SDK1: variants seen among roughly 807,000 people sequenced by gnomAD.
SDK1 encodes the protein protein sidekick-1.
SDK1 carries 157 observed loss-of-function variants against 245.5 expected under a neutral mutation model. The observed-to-expected ratio is 0.64, with a 90% CI of 0.56 to 0.73. The LOEUF (loss-of-function observed/expected upper bound fraction) is 0.73. SDK1 is among the 30% of genes least tolerant of loss of function. The pLI, the probability that SDK1 is intolerant of heterozygous loss-of-function variation, is 0.00. For missense variants in SDK1, 3,583 were observed against 3,002.3 expected (o/e 1.19, Z -4.52); for synonymous variants, 1,647 against 1,278.5 (o/e 1.29, Z -6.15).
Position 3,950,976 on chromosome 7 carries a change from A to G in SDK1, c.901A>G (p.Asn301Asp), listed in dbSNP as rs771758488. 105 of 1,614,002 alleles carry G rather than the reference A, an allele frequency of 6.5e-5. No homozygotes were observed. The highest frequency in any genetic ancestry group is 7.9e-5 in the Non-Finnish European group (93 of 1,180,016). The part of the protein sequence containing the change: ...MAPTIVVPPG[N>D]RSVVAGSSET... ...CCCAACCATTGTGGTTCCCCCGGGC[A>G]ACAGAAGTGTGGTGGCTGGATCCAG... Residue 301 changes from asparagine to aspartate, a missense_variant, in exon 6 of 45, where the codon AAC becomes GAC. Coordinates refer to ENST00000404826, the MANE Select transcript of SDK1 (RefSeq NM_152744.4).
chr7:3,824,323 G>A (rs143990944), intron 5 of SDK1, among the ~76,000 whole-genome samples: 10 of 152,268 alleles, frequency 6.6e-5, no homozygotes, highest in Non-Finnish European at 1.5e-4. Context: ...TTTCTGGCCA[G>A]CGTTTCTGAA....
chr7:3,847,847 A>T (rs890768700), intron 5 of SDK1, among the ~76,000 whole-genome samples: 8 of 152,252 alleles, frequency 5.3e-5, no homozygotes, highest in Admixed American at 5.2e-4. Context: ...TTTCAAAAGT[A>T]TGTGGAAAAC....
At chr7:3,878,382 A>G (rs1781123870) in intron 5 of SDK1, among the ~76,000 whole-genome samples, 1 of 152,094 alleles carries the variant, frequency 6.6e-6, no homozygotes, top group South Asian at 2.1e-4. Flanking sequence ...TTAGCTGGGC[A>G]TGGTGGCAGG....
intron 5 of SDK1, among the ~76,000 whole-genome samples, chr7:3,940,619 G>C (rs1488550623): frequency 6.6e-6 from 1 of 151,688 alleles, no homozygotes; most frequent in East Asian, 1.9e-4. Flanking sequence ...GAGGCACTTT[G>C]GGAGACCAGC....
chr7:3,949,821 G>T (rs1780727121), intron 5 of SDK1, among the ~76,000 whole-genome samples: 1 of 152,160 alleles, frequency 6.6e-6, no homozygotes, highest in Non-Finnish European at 1.5e-5. Flanking sequence ...CATAGATTCA[G>T]GATATTTACT....
chr7:3,890,162 C>T (rs1781426464), intron 5 of SDK1, among the ~76,000 whole-genome samples: 1 of 152,218 alleles, frequency 6.6e-6, no homozygotes, highest in African/African-American at 2.4e-5. Context: ...GACTAGAACT[C>T]TGTCCTCTTG....
intron 1 of SDK1, among the ~76,000 whole-genome samples, chr7:3,371,414 T>G (rs1781224437): frequency 6.6e-6 from 1 of 151,940 alleles, no homozygotes; most frequent in African/African-American, 2.4e-5. Context: ...AATGGTTACA[T>G]GTGAAACACA....
intron 20 of SDK1, among the ~76,000 whole-genome samples, chr7:4,071,168 G>A (rs980227551): frequency 2.6e-5 from 4 of 152,122 alleles, no homozygotes; most frequent in Admixed American, 2.6e-4. Flanking sequence ...GGGATTACAG[G>A]TGTGCGCCAC....
intron 14 of SDK1, among the ~76,000 whole-genome samples, chr7:3,997,825 C>T (rs1056113891): frequency 1.3e-5 from 2 of 152,306 alleles, no homozygotes; most frequent in East Asian, 1.9e-4. Context: ...CCACCTTCTT[C>T]TGCCCAGGAG....
intron 1 of SDK1, among the ~76,000 whole-genome samples, chr7:3,327,143 A>T (rs1306518206): frequency 6.6e-6 from 1 of 152,164 alleles, no homozygotes; most frequent in Non-Finnish European, 1.5e-5. Flanking sequence ...TCTTAAGAAG[A>T]ATATTGACAA....
chr7:3,844,812 CAAG>C (rs937307727), intron 5 of SDK1, among the ~76,000 whole-genome samples: 2 of 152,106 alleles, frequency 1.3e-5, no homozygotes, highest in Non-Finnish European at 2.9e-5. Flanking sequence ...CCTGATTAAA[CAAG>C]AGCCCTAATT....
At chr7:3,621,223 T>G (rs781700647) in intron 2 of SDK1, among the ~76,000 whole-genome samples, 3 of 152,264 alleles carry the variant, frequency 2.0e-5, no homozygotes, top group African/African-American at 7.2e-5. Flanking sequence ...ACAGAAAAAG[T>G]GAACTTAGAG....
At chr7:4,036,184 T>C (rs376690745) in intron 17 of SDK1, among the ~76,000 whole-genome samples, 2 of 152,208 alleles carry the variant, frequency 1.3e-5, no homozygotes, top group African/African-American at 4.8e-5. Context: ...GGAAATTATT[T>C]ATTGCTTTTT....
At chr7:3,382,981 C>A (rs1781527540) in intron 1 of SDK1, among the ~76,000 whole-genome samples, 1 of 151,916 alleles carries the variant, frequency 6.6e-6, no homozygotes, top group South Asian at 2.1e-4. Context: ...TCACTTTATC[C>A]CCAACTTATG....
chr7:4,244,878 A>G (rs137918198), intron 43 of SDK1, among the ~76,000 whole-genome samples: 1 of 152,154 alleles, frequency 6.6e-6, no homozygotes, highest in Non-Finnish European at 1.5e-5. Flanking sequence ...GAGGCCGCTC[A>G]TGGTCCCCTG....
chr7:3,606,256 C>T (rs548153900), intron 1 of SDK1, among the ~76,000 whole-genome samples: 1 of 152,144 alleles, frequency 6.6e-6, no homozygotes, highest in African/African-American at 2.4e-5. Context: ...CCTTAGGCCC[C>T]AGGTCTGATC....
In SDK1 at chr7:3,318,963, G is replaced by A. The variant is rs999225854; in HGVS notation, c.298+17079G>A. Among the ~76,000 whole-genome samples the A allele has an allele frequency of 4.5e-4, 68 of 152,072 alleles. 1 individual carries two copies. Among genetic ancestry groups the A allele is most frequent in the Non-Finnish European group, 8.8e-4 (60 of 68,026 alleles). On this transcript the variant is annotated intron_variant, in intron 1 of 44. Coordinates refer to ENST00000404826, the MANE Select transcript of SDK1 (RefSeq NM_152744.4). Reference sequence around the variant, plus strand: ...CCTGGCAGACGGGAATAAATGTGGGGCTGAAATGCCACAGAAGCAGTTAGC... The same window carrying A: ...CCTGGCAGACGGGAATAAATGTGGGACTGAAATGCCACAGAAGCAGTTAGC...
intron 35 of SDK1, among the ~76,000 whole-genome samples, chr7:4,191,987 G>A (rs532091987): frequency 1.3e-5 from 2 of 152,218 alleles, no homozygotes; most frequent in Admixed American, 6.5e-5. Flanking sequence ...TCAAACCCTC[G>A]CCCTGCTCCT....
At position 3,951,739 on chromosome 7, in the gene SDK1, G is replaced by A. The variant is rs1340656920; in HGVS notation, c.969G>A (p.Glu323=). The stretch of plus-strand genomic sequence containing the variant: ...CCTTTCATTCCCACAGGCCTGTGGA[G>A]GACCTGAGTGTGACCTGGAAGAGGA... ...LECIASARPV[E]DLSVTWKRNG... is the part of the protein sequence containing the mutation. The change falls in exon 7 of 45, where the codon GAG becomes GAA. Residue 323 remains glutamate (E), a synonymous_variant. Coordinates refer to ENST00000404826, the MANE Select transcript of SDK1 (RefSeq NM_152744.4). The A allele has an allele frequency of 1.9e-6, 3 of 1,613,218 alleles. No individual in the cohort carries two copies. The highest frequency in any genetic ancestry group is 1.7e-6 in the Non-Finnish European group (2 of 1,179,944).
Sources: allele counts gnomAD v4.1 joint callset (sites outside exome capture counted in the v4.1 genomes callset), GRCh38; gene constraint gnomAD v4.1.1; transcripts MANE v1.5; gene names NCBI Gene and HGNC (gene_info 2026-07-23, HGNC 2026-07-21).